Variants in UBE3D observed in about 807,000 individuals in gnomAD.
UBE3D encodes E3 ubiquitin-protein ligase E3D.
A neutral mutation model predicts 49.6 loss-of-function variants in UBE3D; 48 were observed. That is an observed-to-expected ratio of 0.97 (90% CI 0.77 to 1.23). The LOEUF is 1.23. UBE3D is among the 50% of genes most tolerant of loss of function. The pLI, the probability that UBE3D is intolerant of heterozygous loss-of-function variation, is 0.00. For missense variants in UBE3D, 452 were observed against 468.4 expected, an observed-to-expected ratio of 0.96 and a Z score of 0.32; for synonymous variants, 189 against 174.2, an observed-to-expected ratio of 1.08 and a Z score of -0.67.
At chr6:82,911,196 CAAAAAA>C (rs1156620624) in intron 9 of UBE3D, among the ~76,000 whole-genome samples, 14 of 39,330 alleles carry the variant, frequency 3.6e-4, no homozygotes, top group Admixed American at 2.1e-3. Flanking sequence ...AACATTTTGG[CAAAAAA>C]AAAAAAAAAA....
At chr6:82,900,339 C>T (rs1461286559) in intron 9 of UBE3D, among the ~76,000 whole-genome samples, 1 of 152,094 alleles carries the variant, frequency 6.6e-6, no homozygotes, top group East Asian at 1.9e-4. Flanking sequence ...TATGCCCAGT[C>T]TTACATTAAG....
intron 8 of UBE3D, among the ~76,000 whole-genome samples, chr6:82,997,946 T>G (rs1779358692): frequency 7.9e-6 from 1 of 126,834 alleles, no homozygotes; most frequent in Non-Finnish European, 1.6e-5. Context: ...ACCATTTACC[T>G]GGGGAATTAG....
intron 8 of UBE3D, among the ~76,000 whole-genome samples, chr6:83,001,235 C>G (rs1168855125): frequency 6.6e-6 from 1 of 152,188 alleles, no homozygotes; most frequent in Non-Finnish European, 1.5e-5. Context: ...CATCATAGCA[C>G]TGATCAGTTT....
chr6:83,014,228 A>T (rs1323045434), intron 8 of UBE3D, among the ~76,000 whole-genome samples: 2 of 152,232 alleles, frequency 1.3e-5, no homozygotes, highest in Non-Finnish European at 2.9e-5. Context: ...AGAGTTGAAC[A>T]GGGATGTGGT....
chr6:83,065,098 G>T (rs527998386), intron 1 of UBE3D, among the ~76,000 whole-genome samples: 1 of 152,322 alleles, frequency 6.6e-6, no homozygotes, highest in South Asian at 2.1e-4. Context: ...ACGAGCTCCA[G>T]TAAGAAGTCT....
chr6:82,936,192 T>C (rs1368376759), intron 9 of UBE3D, among the ~76,000 whole-genome samples: 2 of 152,184 alleles, frequency 1.3e-5, no homozygotes, highest in Non-Finnish European at 2.9e-5. Context: ...CTGCCAAAGA[T>C]TGTAGACGTC....
intron 5 of UBE3D, among the ~76,000 whole-genome samples, chr6:83,031,870 T>C (rs1481905558): frequency 2.0e-5 from 3 of 152,098 alleles, no homozygotes; most frequent in Non-Finnish European, 2.9e-5. Flanking sequence ...CTTCAGAGGG[T>C]ACAAGCCTCA....
chr6:82,947,084 C>A (rs1462238725), intron 9 of UBE3D, among the ~76,000 whole-genome samples: 3 of 151,676 alleles, frequency 2.0e-5, no homozygotes, highest in Non-Finnish European at 4.4e-5. Context: ...TATAAGTAAA[C>A]TCTCCAATAA....
intron 9 of UBE3D, among the ~76,000 whole-genome samples, chr6:82,941,103 G>A (rs1338629568): frequency 6.6e-6 from 1 of 152,004 alleles, no homozygotes; most frequent in Non-Finnish European, 1.5e-5. Context: ...CTACTTAGGA[G>A]GCTGAGGCAG....
At chr6:83,024,790 C>T (rs1415721156) in intron 5 of UBE3D, among the ~76,000 whole-genome samples, 8 of 152,048 alleles carry the variant, frequency 5.3e-5, no homozygotes, top group Non-Finnish European at 2.9e-5. Flanking sequence ...GAACTGTTAC[C>T]CTGAGAAAGG....
intron 8 of UBE3D, among the ~76,000 whole-genome samples, chr6:82,975,239 T>C (rs527615110): frequency 1.3e-5 from 2 of 152,142 alleles, no homozygotes; most frequent in Non-Finnish European, 2.9e-5. Flanking sequence ...AAGGCATTGC[T>C]TTAAAGTATG....
intron 3 of UBE3D, among the ~76,000 whole-genome samples, chr6:83,046,607 A>G (rs1783052255): frequency 1.3e-5 from 2 of 148,334 alleles, no homozygotes; most frequent in Non-Finnish European, 1.5e-5. Context: ...ACCTACAAAC[A>G]AATAACAAAA....
At chr6:82,942,182 T>G (rs1038418185) in intron 9 of UBE3D, among the ~76,000 whole-genome samples, 1 of 152,254 alleles carries the variant, frequency 6.6e-6, no homozygotes, top group South Asian at 2.1e-4. Flanking sequence ...GATAAGAAAC[T>G]TGTTGGGAAC....
intron 5 of UBE3D, chr6:83,032,448 A>C: frequency 2.8e-6 from 1 of 357,290 alleles, no homozygotes; most frequent in Non-Finnish European, 5.6e-6. Flanking sequence ...TATTTACCCA[A>C]TGCCTGTACC....
chr6:83,043,754 C>T (rs1782833633), intron 4 of UBE3D, among the ~76,000 whole-genome samples: 1 of 152,224 alleles, frequency 6.6e-6, no homozygotes, highest in Non-Finnish European at 1.5e-5. Context: ...TCTGTATTGA[C>T]TGGCCATCAG....
At position 83,065,805 on chromosome 6, in the gene UBE3D, C is replaced by T. The variant is rs542218758; in HGVS notation, c.-87G>A. 3 of 1,346,078 alleles carry T rather than the reference C, an allele frequency of 2.2e-6. No homozygotes were observed. The highest frequency in any genetic ancestry group is 2.3e-4 in the Middle Eastern group (1 of 4,372). 83.4% of individuals were successfully genotyped at this position (1,346,078 alleles called of 1,614,324 possible). On this transcript the variant is annotated 5_prime_UTR_variant, in exon 1 of 10. Coordinates refer to ENST00000369747, the MANE Select transcript of UBE3D (RefSeq NM_198920.3). ...ACCAGGAGAGGTTCCACGTGCGGAC[C>T]AACCAGCGGCAGCCCCGCTGCGGCG...
At chr6:82,883,288 C>T in the UBE3D span, among the ~76,000 whole-genome samples, 1 of 152,062 alleles carries the variant, frequency 6.6e-6, no homozygotes, top group East Asian at 1.9e-4. Flanking sequence ...GGATATAGAA[C>T]CTTTTAACAG....
At chr6:82,923,194 C>A (rs62430478) in intron 9 of UBE3D, among the ~76,000 whole-genome samples, 15,382 of 152,216 alleles carry the variant, frequency 0.1, 885 homozygotes, top group Non-Finnish European at 0.13. Flanking sequence ...TTTGACCCAG[C>A]AATCCCATTA....
At chr6:82,915,877 T>A (rs2127730405) in intron 9 of UBE3D, among the ~76,000 whole-genome samples, 1 of 152,084 alleles carries the variant, frequency 6.6e-6, no homozygotes, top group South Asian at 2.1e-4. Context: ...GTGTTGATCT[T>A]ATTGTCTTCT....
Sources: gnomAD v4.1 joint callset for allele counts (sites outside exome capture counted in the v4.1 genomes callset) on GRCh38, gnomAD v4.1.1 for gene constraint, MANE v1.5 for transcripts, NCBI Gene and HGNC (gene_info 2026-07-23, HGNC 2026-07-21) for gene names.